ITPK1: variants seen among roughly 807,000 people sequenced by gnomAD.
The protein encoded by ITPK1 is inositol 1,3,4-trisphosphate 5/6-kinase.
ITPK1 carries 21 observed loss-of-function variants against 45.3 expected under a neutral mutation model. The ratio of observed to expected loss-of-function variants is 0.46; its 90% CI spans 0.33 to 0.67. The LOEUF (loss-of-function observed/expected upper bound fraction) is 0.67. Ranked by LOEUF, ITPK1 falls within the 30% of genes least tolerant of loss-of-function variation. The pLI is 0.02. For synonymous variants in ITPK1, 258 were observed against 253.6 expected (o/e 1.02, Z -0.16); for missense variants, 474 against 573.5 (o/e 0.83, Z 1.77).
chr14:92,988,749 G>T (rs562826952), intron 5 of ITPK1, among the ~76,000 whole-genome samples: 5 of 152,178 alleles, frequency 3.3e-5, no homozygotes, highest in African/African-American at 4.8e-5. Context: ...CTAGCTCTGT[G>T]ACCTCAAGTA....
intron 5 of ITPK1, among the ~76,000 whole-genome samples, chr14:92,975,533 GC>G (rs1885896881): frequency 6.6e-6 from 1 of 152,188 alleles, no homozygotes; most frequent in Admixed American, 6.5e-5. Flanking sequence ...GCTTGACTGG[GC>G]CACAGGGTTC....
intron 2 of ITPK1, among the ~76,000 whole-genome samples, chr14:93,089,318 G>A (rs551751412): frequency 9.2e-5 from 14 of 152,286 alleles, no homozygotes; most frequent in Middle Eastern, 3.4e-3. Context: ...GAAGCCGGGG[G>A]AGCCAGCACC....
At chr14:93,061,139 G>A (rs538037449) in intron 3 of ITPK1, among the ~76,000 whole-genome samples, 60 of 152,192 alleles carry the variant, frequency 3.9e-4, no homozygotes, top group Non-Finnish European at 7.3e-4. Context: ...TTAACTTTCC[G>A]GACTGCAATT....
chr14:93,098,871 A>G (rs6575306), intron 2 of ITPK1, among the ~76,000 whole-genome samples: 40,401 of 151,986 alleles, frequency 0.27, 6,179 homozygotes, highest in African/African-American at 0.43. Flanking sequence ...AGGCACCCAC[A>G]GCAGTTAAGC....
chr14:92,947,065 C>T (rs565235372), intron 9 of ITPK1, among the ~76,000 whole-genome samples: 3 of 152,268 alleles, frequency 2.0e-5, no homozygotes, highest in African/African-American at 4.8e-5. Flanking sequence ...GCAGCTGGGG[C>T]GCAGAGCCGG....
intron 5 of ITPK1, among the ~76,000 whole-genome samples, chr14:92,968,217 C>A (rs954452754): frequency 6.6e-6 from 1 of 151,942 alleles, no homozygotes; most frequent in Non-Finnish European, 1.5e-5. Flanking sequence ...GTAATCCCAG[C>A]GACTCGGGGA....
chr14:93,093,502 T>TC (rs1264298897), intron 2 of ITPK1, among the ~76,000 whole-genome samples: 1 of 151,770 alleles, frequency 6.6e-6, no homozygotes, highest in Non-Finnish European at 1.5e-5. Context: ...AGTCCTTTCT[T>TC]CCCCCCTCAG....
chr14:93,110,687 C>T (rs1318483406), intron 2 of ITPK1, among the ~76,000 whole-genome samples: 1 of 152,198 alleles, frequency 6.6e-6, no homozygotes, highest in African/African-American at 2.4e-5. Context: ...TCCTCAGTCC[C>T]TTCTAAGGTA....
At chr14:93,081,356 C>T (rs985375985) in intron 2 of ITPK1, among the ~76,000 whole-genome samples, 1 of 151,876 alleles carries the variant, frequency 6.6e-6, no homozygotes, top group African/African-American at 2.4e-5. Flanking sequence ...AAACCTGCAC[C>T]TGCGAATAAT....
chr14:93,107,940 T>A (rs894670527), intron 2 of ITPK1, among the ~76,000 whole-genome samples: 1 of 152,198 alleles, frequency 6.6e-6, no homozygotes, highest in South Asian at 2.1e-4. Context: ...CTGGCCACTC[T>A]AATACACACC....
At chr14:93,017,631 A>G (rs1031835924) in intron 3 of ITPK1, among the ~76,000 whole-genome samples, 1 of 152,158 alleles carries the variant, frequency 6.6e-6, no homozygotes, top group Non-Finnish European at 1.5e-5. Flanking sequence ...CACCACCTGC[A>G]AGGCCAGTGC....
At chr14:93,092,773 C>T (rs559999206) in intron 2 of ITPK1, among the ~76,000 whole-genome samples, 21 of 152,310 alleles carry the variant, frequency 1.4e-4, no homozygotes, top group East Asian at 9.7e-4. Flanking sequence ...TTCCACCCCA[C>T]GACAGCCAGG....
At chr14:93,100,537 GGA>G (rs369481573) in intron 2 of ITPK1, among the ~76,000 whole-genome samples, 18 of 147,824 alleles carry the variant, frequency 1.2e-4, no homozygotes, top group East Asian at 7.9e-4. Flanking sequence ...GAGAGAGGAG[GGA>G]GAGAGAGAGA....
At chr14:92,968,860 G>A (rs1300253497) in intron 5 of ITPK1, among the ~76,000 whole-genome samples, 1 of 152,240 alleles carries the variant, frequency 6.6e-6, no homozygotes, top group Non-Finnish European at 1.5e-5. Flanking sequence ...GACTCGCCCA[G>A]CCACACTGCT....
chr14:93,040,480 C>T (rs904134164), intron 3 of ITPK1, among the ~76,000 whole-genome samples: 13 of 152,178 alleles, frequency 8.5e-5, no homozygotes, highest in African/African-American at 3.1e-4. Flanking sequence ...GGCCAGAGCA[C>T]ACATGGTCCC....
At chr14:93,102,461 G>C (rs1892360207) in intron 2 of ITPK1, among the ~76,000 whole-genome samples, 1 of 152,220 alleles carries the variant, frequency 6.6e-6, no homozygotes, top group Non-Finnish European at 1.5e-5. Context: ...ACGAATGTTA[G>C]GACTTTAAAA....
intron 3 of ITPK1, among the ~76,000 whole-genome samples, chr14:93,048,088 C>T (rs531687234): frequency 1.3e-5 from 2 of 152,284 alleles, no homozygotes; most frequent in African/African-American, 4.8e-5. Context: ...CTACTTACAA[C>T]CTGAAGAGGC....
intron 3 of ITPK1, among the ~76,000 whole-genome samples, chr14:93,040,387 T>C (rs767837086): frequency 7.4e-4 from 113 of 152,112 alleles, no homozygotes; most frequent in Non-Finnish European, 1.3e-3. Context: ...GGGGAGATAG[T>C]GGAGGAGAGG....
chr14:92,942,367 C>G (rs1054972759), intron 10 of ITPK1, among the ~76,000 whole-genome samples: 1 of 152,176 alleles, frequency 6.6e-6, no homozygotes, highest in African/African-American at 2.4e-5. Flanking sequence ...TCCCGGAGAC[C>G]GCTTCCACCC....
Sources: allele counts gnomAD v4.1 joint callset (sites outside exome capture counted in the v4.1 genomes callset), GRCh38; gene constraint gnomAD v4.1.1; transcripts MANE v1.5; gene names NCBI Gene and HGNC (gene_info 2026-07-23, HGNC 2026-07-21).